The following SET variants were observed in gnomAD, a reference collection of about 807,000 sequenced individuals.
The protein encoded by SET is SET nuclear proto-oncogene.
Under a neutral mutation model 39.0 loss-of-function variants are expected in SET, and 4 were observed. The ratio of observed to expected loss-of-function variants is 0.10; its 90% confidence interval spans 0.05 to 0.23. The LOEUF (loss-of-function observed/expected upper bound fraction) is 0.23. Among genes scored for constraint, SET ranks in the 10% least tolerant of loss-of-function variants. SET has a pLI of 1.00. For synonymous variants in SET, 114 were observed against 115.9 expected, an observed-to-expected ratio of 0.98 and a Z score of 0.11; for missense variants, 137 against 329.7, an observed-to-expected ratio of 0.42 and a Z score of 4.53.
Position 128,694,799 on chromosome 9 carries a change from C to G in SET, c.*135C>G. 2.0e-6 allele frequency: 1 copy of G among 491,808 alleles called. No homozygotes were observed. The highest frequency in any genetic ancestry group is 2.8e-5 in the South Asian group (1 of 35,148). 30.5% of individuals were successfully genotyped at this position (491,808 alleles called of 1,614,324 possible). Reference sequence around the variant, plus strand: ...TCGCCCTGTTCTTGAGGTCTCTTTTCTCTACTCCATGGTTCTCAATTTATT... The same window carrying G: ...TCGCCCTGTTCTTGAGGTCTCTTTTGTCTACTCCATGGTTCTCAATTTATT... On this transcript the variant is annotated 3_prime_UTR_variant, in exon 8 of 8. Coordinates refer to ENST00000322030, the MANE Select transcript of SET (RefSeq NM_003011.4).
chr9:128,690,533 T>G (rs1861491704), intron 1 of SET: 1 of 153,702 alleles, frequency 6.5e-6, no homozygotes, highest in African/African-American at 2.4e-5. Context: ...TCCGATCTCA[T>G]AGTTGCTCCC....
chr9:128,696,310 C>A lies in SET; in HGVS notation c.*1646C>A, dbSNP rs1861738370. 1 of 190,906 alleles carries A rather than the reference C, an allele frequency of 5.2e-6. No homozygotes were observed. Among genetic ancestry groups the A allele is most frequent in the African/African-American group, 2.3e-5 (1 of 43,258 alleles). 11.8% of individuals were successfully genotyped at this position (190,906 alleles called of 1,614,324 possible). ...TATCTAGATGGATAGTATGTAATTT[C>A]TGCACAGGTCTCTGTTTAGTAAATA... On this transcript the variant is annotated 3_prime_UTR_variant, in exon 8 of 8. Coordinates refer to ENST00000322030, the MANE Select transcript of SET (RefSeq NM_003011.4).
chr9:128,690,898 C>T (rs1232774298), intron 1 of SET, among the ~76,000 whole-genome samples: 1 of 152,110 alleles, frequency 6.6e-6, no homozygotes, highest in Non-Finnish European at 1.5e-5. Flanking sequence ...ATAGTAGAAA[C>T]CTTAATGATC....
upstream of SET, chr9:128,685,235 G>A (rs1005803564): frequency 2.2e-5 from 35 of 1,576,812 alleles, no homozygotes; most frequent in Admixed American, 5.3e-5. Flanking sequence ...AAAACAACTT[G>A]TGCTTGTTTT....
intron 1 of SET, 197 bp from the exon 2 acceptor site, chr9:128,690,973 G>A (rs1477505401): frequency 1.6e-6 from 1 of 643,628 alleles, no homozygotes; most frequent in African/African-American, 1.8e-5. Flanking sequence ...TAAACCAGCA[G>A]ACAGCATGAC....
In SET at chr9:128,689,544, T is replaced by C; in HGVS notation, c.-39T>C. 2 of 1,110,754 alleles carry C rather than the reference T, an allele frequency of 1.8e-6. No homozygotes were observed. The allele number at this position is 1,110,754 out of a possible 1,614,324, so 68.8% of individuals were successfully genotyped here. A position where few individuals can be genotyped will look rare whatever the true frequency, so the allele number is the denominator to read the frequency against. ...CCCGCCCCCTTCGCCTTCCCTTCTC[T>C]CCCCCTCCCCGCTCCCCCCCCGACC... On this transcript the variant is annotated 5_prime_UTR_variant, in exon 1 of 8. Coordinates refer to ENST00000322030, the MANE Select transcript of SET (RefSeq NM_003011.4).
intron 7 of SET, 116 bp downstream of exon 7, chr9:128,694,158 AAAGT>A (rs1413000746): frequency 8.5e-6 from 8 of 945,940 alleles, no homozygotes; most frequent in African/African-American, 3.3e-5. Context: ...TTGTGGAAAA[AAAGT>A]AAGCCATTTT....
Position 128,690,126 on chromosome 9 carries a change from C to T in SET, c.73+471C>T, listed in dbSNP as rs1861468387. On this transcript the variant is annotated intron_variant, in intron 1 of 7. Transcript: ENST00000322030. ...GGCACCCCCGCCCAGAGGCTGGCCCCGGCGGGGCTTCTGCCTGGAGCTCGG... is the reference window on the plus strand; with the variant it reads ...GGCACCCCCGCCCAGAGGCTGGCCCTGGCGGGGCTTCTGCCTGGAGCTCGG... 5 of 240,426 alleles carry T rather than the reference C, an allele frequency of 2.1e-5. No homozygotes were observed. The South Asian group carries it at 7.5e-4, about 36-fold the overall frequency. The allele number at this position is 240,426 out of a possible 1,614,324, so 14.9% of individuals were successfully genotyped here.
At chr9:128,694,129 T>C (rs1198376599) in intron 7 of SET, 87 bp downstream of exon 7, 1 of 1,156,948 alleles carries the variant, frequency 8.6e-7, no homozygotes, top group Non-Finnish European at 1.2e-6. Context: ...TATAGTGTGG[T>C]AGAACTGACC....
intron 1 of SET, chr9:128,689,872 G>GGGGCGCTGCGGCCTGCTCGGCGC (rs1269601460): frequency 1.1e-5 from 2 of 175,022 alleles, no homozygotes; most frequent in South Asian, 1.8e-4. Context: ...CTGCGAGGCG[G>GGGGCGCTGCGGCCTGCTCGGCGC]GGGCGCTGCG....
chr9:128,693,078 A>G, intron 5 of SET, 97 bp downstream of exon 5: 1 of 790,338 alleles, frequency 1.3e-6, no homozygotes, highest in South Asian at 1.7e-5. Flanking sequence ...TCATGTGGCT[A>G]AATACAAAAC....
rs1041895039 is a variant in SET at position 128,689,487 on chromosome 9, C to T, written c.-96C>T. The T allele has an allele frequency of 7.6e-6, 5 of 658,406 alleles. No individual in the cohort carries two copies. The highest frequency in any genetic ancestry group is 5.8e-5 in the African/African-American group (3 of 51,332). 40.8% of individuals were successfully genotyped at this position (658,406 alleles called of 1,614,324 possible). A position where few individuals can be genotyped will look rare whatever the true frequency, so the allele number is the denominator to read the frequency against. On this transcript the variant is annotated 5_prime_UTR_variant, in exon 1 of 8. Transcript: ENST00000322030. ...AGGAGGCGGCCGGACCGAGCGGGCG[C>T]CCGCGCGTGTGGCGTGAGGGGAAGC...
At chr9:128,694,473 A>G (rs1861657614) in intron 7 of SET, among the ~76,000 whole-genome samples, 168 bp from the exon 8 acceptor site, 1 of 152,236 alleles carries the variant, frequency 6.6e-6, no homozygotes, top group African/African-American at 2.4e-5. Flanking sequence ...AACTGAAGTT[A>G]CTAATTAATC....
At position 128,683,841 on chromosome 9, in the gene SET, T is replaced by C. The variant is rs145061646; in HGVS notation, c.-55T>C. 7.0e-4 allele frequency: 1,016 copies of C among 1,453,186 alleles called. 8 individuals carry two copies. In the East Asian group the frequency reaches 0.011, roughly 16 times the overall value. The allele number at this position is 1,453,186 out of a possible 1,614,324, so 90.0% of individuals were successfully genotyped here. A position where few individuals can be genotyped will look rare whatever the true frequency, so the allele number is the denominator to read the frequency against. On this transcript the variant is annotated 5_prime_UTR_variant, in exon 1 of 8. Coordinates refer to the SET transcript ENST00000372692. ...CCTGGGGCAGTCTCAGTGTTCAGCC[T>C]GCTTCCGGACGGGCGAGGAGACTCG...
At chr9:128,690,991 T>C in intron 1 of SET, 179 bp from the exon 2 acceptor site, 2 of 675,164 alleles carry the variant, frequency 3.0e-6, no homozygotes, top group Non-Finnish European at 2.7e-6. Flanking sequence ...GACTTGTAAA[T>C]GGTCTTTTAA....
rs565844832 is a variant in SET at position 128,694,091 on chromosome 9, A to C, written c.810+49A>C. 12 of 1,395,246 alleles carry C rather than the reference A, an allele frequency of 8.6e-6. No individual in the cohort carries two copies. The Admixed American group carries it at 3.6e-4, about 41-fold the overall frequency. 86.4% of individuals were successfully genotyped at this position (1,395,246 alleles called of 1,614,324 possible). On this transcript the variant is annotated intron_variant, in intron 7 of 7. Transcript: ENST00000322030. ...CACAAAGATAACTTTTAAAGAATTC[A>C]TGTTATTTTGGGGTGTATATATATA...
At chr9:128,692,397 C>CAAAAAA (rs58637669) in intron 3 of SET, 45 of 76,226 alleles carry the variant, frequency 5.9e-4, no homozygotes, top group South Asian at 2.5e-3. Context: ...GAGACTGTTT[C>CAAAAAA]AAAAAAAAAA....
chr9:128,695,481 C>T lies in SET; in HGVS notation c.*817C>T, dbSNP rs1422265876. On this transcript the variant is annotated 3_prime_UTR_variant, in exon 8 of 8. Coordinates refer to ENST00000322030, the MANE Select transcript of SET (RefSeq NM_003011.4). Reference sequence around the variant, plus strand: ...AGGAAAGATGATGCTCAGTTTTAAACGTTAAAAGTGTACAAGTTGCTTTGT... The same window carrying T: ...AGGAAAGATGATGCTCAGTTTTAAATGTTAAAAGTGTACAAGTTGCTTTGT... The T allele has an allele frequency of 1.8e-5, 4 of 221,386 alleles. No individual in the cohort carries two copies. Among genetic ancestry groups the T allele is most frequent in the Admixed American group, 1.1e-4 (2 of 17,450 alleles). 13.7% of individuals were successfully genotyped at this position (221,386 alleles called of 1,614,324 possible). A position where few individuals can be genotyped will look rare whatever the true frequency, so the allele number is the denominator to read the frequency against.
chr9:128,691,271 T>C (rs1377865872), intron 2 of SET, 44 bp downstream of exon 2: 2 of 1,194,516 alleles, frequency 1.7e-6, no homozygotes, highest in Non-Finnish European at 2.5e-6. Flanking sequence ...TTCTGAGATG[T>C]GTCTAATAGC....
Sources: gnomAD v4.1 joint callset for allele counts (sites outside exome capture counted in the v4.1 genomes callset) on GRCh38, gnomAD v4.1.1 for gene constraint, MANE v1.5 for transcripts, NCBI Gene and HGNC (gene_info 2026-07-23, HGNC 2026-07-21) for gene names.